Variants in GALNT13 observed in about 807,000 individuals in gnomAD.
GALNT13 encodes polypeptide N-acetylgalactosaminyltransferase 13.
Under a neutral mutation model 64.2 loss-of-function variants are expected in GALNT13, and 28 were observed. That is an observed-to-expected ratio of 0.44 (90% CI 0.32 to 0.60). GALNT13 has a LOEUF of 0.60. GALNT13 is among the 20% of genes least tolerant of loss of function. The pLI, the probability that GALNT13 is intolerant of heterozygous loss-of-function variation, is 0.05. For missense variants in GALNT13, 577 were observed against 669.8 expected, an observed-to-expected ratio of 0.86 and a Z score of 1.53; for synonymous variants, 214 against 224.6, an observed-to-expected ratio of 0.95 and a Z score of 0.42.
At chr2:153,085,345 A>G in the GALNT13 span, among the ~76,000 whole-genome samples, 2 of 152,128 alleles carry the variant, frequency 1.3e-5, no homozygotes, top group East Asian at 1.9e-4. Flanking sequence ...CCCCAAGACA[A>G]TGGGGAAAAT....
At chr2:154,393,897 T>A (rs1698921774) in intron 9 of GALNT13, among the ~76,000 whole-genome samples, 1 of 149,858 alleles carries the variant, frequency 6.7e-6, no homozygotes, top group South Asian at 2.1e-4. Flanking sequence ...GCTAAAACGG[T>A]GAAACCCCGT....
chr2:154,392,780 C>G (rs1698857620), intron 9 of GALNT13, among the ~76,000 whole-genome samples: 2 of 152,082 alleles, frequency 1.3e-5, no homozygotes, highest in South Asian at 4.1e-4. Context: ...GACTAAGGAA[C>G]AGGCAATAGT....
At chr2:153,292,872 T>TATATATC in the GALNT13 span, among the ~76,000 whole-genome samples, 21 of 152,194 alleles carry the variant, frequency 1.4e-4, no homozygotes, top group African/African-American at 4.6e-4. Flanking sequence ...TATATATATT[T>TATATATC]ATATATCTAC....
the GALNT13 span, among the ~76,000 whole-genome samples, chr2:153,674,693 G>A: frequency 6.6e-6 from 1 of 152,102 alleles, no homozygotes; most frequent in South Asian, 2.1e-4. Flanking sequence ...AGCCAAAATT[G>A]ACAAATAGGA....
intron 4 of GALNT13, among the ~76,000 whole-genome samples, chr2:154,158,421 C>T (rs1684547276): frequency 6.6e-6 from 1 of 152,098 alleles, no homozygotes; most frequent in South Asian, 2.1e-4. Flanking sequence ...TTAGTCTAAG[C>T]TGCTTATATT....
chr2:153,955,625 A>G (rs553507853), intron 3 of GALNT13, among the ~76,000 whole-genome samples: 1 of 152,282 alleles, frequency 6.6e-6, no homozygotes, highest in East Asian at 1.9e-4. Context: ...TGGTTTCTCT[A>G]AAAAAAGTGT....
chr2:154,296,165 G>C (rs1220015624), intron 8 of GALNT13, among the ~76,000 whole-genome samples: 1 of 152,074 alleles, frequency 6.6e-6, no homozygotes, highest in Non-Finnish European at 1.5e-5. Context: ...CTGAGGTCTT[G>C]TCCAGATGCT....
At chr2:154,206,394 C>CT (rs551212239) in intron 4 of GALNT13, among the ~76,000 whole-genome samples, 1 of 151,822 alleles carries the variant, frequency 6.6e-6, no homozygotes, top group African/African-American at 2.4e-5. Context: ...GACAAATACA[C>CT]TTTTTTTTCT....
intron 3 of GALNT13, 126 bp downstream of exon 3, chr2:153,944,765 A>G (rs1558867463): frequency 4.2e-6 from 3 of 706,468 alleles, no homozygotes; most frequent in East Asian, 2.7e-5. Context: ...TGGCAGCACT[A>G]TTAATGCATG....
chr2:153,593,817 C>G, the GALNT13 span, among the ~76,000 whole-genome samples: 1 of 152,126 alleles, frequency 6.6e-6, no homozygotes, highest in African/African-American at 2.4e-5. Flanking sequence ...AAACCACTGA[C>G]CCATTTTCTG....
intron 3 of GALNT13, among the ~76,000 whole-genome samples, chr2:154,100,194 C>T (rs56189894): frequency 0.074 from 11,237 of 152,034 alleles, 483 homozygotes; most frequent in Middle Eastern, 0.14. Flanking sequence ...CATTTGGGCA[C>T]ATTTTTGGTT....
chr2:153,131,150 A>C, the GALNT13 span, among the ~76,000 whole-genome samples: 2 of 152,206 alleles, frequency 1.3e-5, no homozygotes. Flanking sequence ...GAAAAAAGAC[A>C]CCAGGACTAG....
the GALNT13 span, among the ~76,000 whole-genome samples, chr2:153,698,607 C>A: frequency 2.6e-5 from 4 of 152,104 alleles, no homozygotes; most frequent in Non-Finnish European, 5.9e-5. Context: ...TCTTACAGAC[C>A]TACAAAGAGA....
At chr2:153,942,635 C>A (rs918644987) in intron 2 of GALNT13, among the ~76,000 whole-genome samples, 1 of 151,108 alleles carries the variant, frequency 6.6e-6, no homozygotes, top group Non-Finnish European at 1.5e-5. Context: ...TTACTTTTTT[C>A]TAAGAAAAAA....
the GALNT13 span, among the ~76,000 whole-genome samples, chr2:153,100,617 C>T: frequency 6.6e-6 from 1 of 152,112 alleles, no homozygotes; most frequent in African/African-American, 2.4e-5. Context: ...CTTCTTTGCT[C>T]ACCTTTATTC....
the GALNT13 span, among the ~76,000 whole-genome samples, chr2:153,313,889 T>C: frequency 1.3e-5 from 2 of 152,182 alleles, no homozygotes; most frequent in Non-Finnish European, 2.9e-5. Flanking sequence ...TCCAAGAGTA[T>C]TTTTATTTTT....
intron 4 of GALNT13, among the ~76,000 whole-genome samples, chr2:154,217,849 G>C (rs1407725002): frequency 1.3e-5 from 2 of 152,124 alleles, no homozygotes; most frequent in East Asian, 3.9e-4. Context: ...AAAAGAGTGT[G>C]TGTGAACAGA....
At chr2:154,367,242 G>A (rs994052233) in intron 9 of GALNT13, among the ~76,000 whole-genome samples, 3 of 152,104 alleles carry the variant, frequency 2.0e-5, no homozygotes, top group Non-Finnish European at 4.4e-5. Flanking sequence ...GAACAAGGGA[G>A]TTCAAGATGT....
chr2:153,349,604 A>C, the GALNT13 span, among the ~76,000 whole-genome samples: 2 of 152,298 alleles, frequency 1.3e-5, no homozygotes, highest in East Asian at 3.9e-4. Context: ...ATCAGGCTGC[A>C]TTTCTGAGAA....
Sources: allele counts gnomAD v4.1 joint callset (sites outside exome capture counted in the v4.1 genomes callset), GRCh38; gene constraint gnomAD v4.1.1; transcripts MANE v1.5; gene names NCBI Gene and HGNC (gene_info 2026-07-23, HGNC 2026-07-21).